The following COL4A5 variants were observed in gnomAD, a reference collection of about 807,000 sequenced individuals.
COL4A5 encodes the protein collagen type IV alpha 5 chain, also known as collagen alpha-5(IV) chain.
COL4A5 carries 26 observed loss-of-function variants against 130.2 expected under a neutral mutation model. That is an observed-to-expected ratio of 0.20 (90% confidence interval 0.15 to 0.28). COL4A5 has a LOEUF of 0.28. COL4A5 is among the 10% of genes least tolerant of loss of function. The probability of loss-of-function intolerance (pLI) is 1.00; values close to 1 mark genes in which losing one functional copy is unlikely to be tolerated. For missense variants in COL4A5, 1,131 were observed against 1,344.3 expected, an observed-to-expected ratio of 0.84 and a Z score of 2.48; for synonymous variants, 496 against 439.6, an observed-to-expected ratio of 1.13 and a Z score of -1.60.
At chrX:108,665,049 T>C (rs1287593895) in intron 37 of COL4A5, among the ~76,000 whole-genome samples, 1 of 112,204 alleles carries the variant, frequency 8.9e-6, no homozygotes, top group Non-Finnish European at 1.9e-5. Flanking sequence ...GTTATATACC[T>C]AAGATAAATT....
At position 108,566,460 on chromosome X, in the gene COL4A5, C is replaced by A. The variant is rs1021347082; in HGVS notation, c.277-2169C>A. Among the ~76,000 whole-genome samples, 4 of 111,057 alleles carry A rather than the reference C, an allele frequency of 3.6e-5. No homozygotes were observed. In the Admixed American group the frequency reaches 3.8e-4, roughly 11 times the overall value. The stretch of plus-strand genomic sequence containing the variant: ...CATCCTTGGCATTTCCCCTTTAGAT[C>A]TGAAATGGGACATATCTCTGATTCC... On this transcript the variant is annotated intron_variant, in intron 4 of 52. Coordinates refer to ENST00000328300, the MANE Select transcript of COL4A5 (RefSeq NM_033380.3).
intron 2 of COL4A5, among the ~76,000 whole-genome samples, chrX:108,544,602 T>A (rs2079099976): frequency 9.0e-6 from 1 of 111,588 alleles, no homozygotes; most frequent in South Asian, 3.8e-4. Context: ...GGCTTTGGTA[T>A]CAGGATGCTG....
chrX:108,539,680 T>C (rs1453122075), intron 1 of COL4A5, 66 bp from the exon 2 acceptor site: 8 of 890,574 alleles, frequency 9.0e-6, no homozygotes, highest in Non-Finnish European at 1.3e-5. Context: ...TCAGTTGAGC[T>C]GTAAGTCAGA....
chrX:108,596,958 A>C (rs1603289814), intron 22 of COL4A5, 40 bp from the exon 23 acceptor site: 3 of 1,106,849 alleles, frequency 2.7e-6, no homozygotes, highest in East Asian at 3.2e-5. Context: ...AGCTTACGTT[A>C]TTGTGTGTGT....
At chrX:108,586,831 C>A in intron 19 of COL4A5, 84 bp downstream of exon 19, 1 of 1,028,874 alleles carries the variant, frequency 9.7e-7, no homozygotes, top group South Asian at 1.9e-5. Flanking sequence ...GTTCCATGGT[C>A]AGCATGGAAG....
chrX:108,555,856 T>G (rs905555639), intron 2 of COL4A5, among the ~76,000 whole-genome samples: 1 of 111,948 alleles, frequency 8.9e-6, no homozygotes, highest in African/African-American at 3.2e-5. Context: ...AAAGTTATCC[T>G]TTGTATAATT....
chrX:108,440,511 A>T, intron 1 of COL4A5: 1 of 289,477 alleles, frequency 3.5e-6, no homozygotes, highest in Admixed American at 5.8e-5. Context: ...TGTGGTGGGT[A>T]TTTAAAACTT....
intron 19 of COL4A5, among the ~76,000 whole-genome samples, chrX:108,590,294 G>A (rs28469248): frequency 0.1 from 11,581 of 110,304 alleles, 1,303 homozygotes; most frequent in African/African-American, 0.34. Flanking sequence ...ACCAGCAAAC[G>A]TACAAGAGAA....
rs143164741 is a variant in COL4A5, at chrX:108,465,418, C to A, written c.81+25212C>A. Among the ~76,000 whole-genome samples the A allele has an allele frequency of 7.3e-3, 808 of 111,048 alleles. 4 individuals are homozygous for A. Among genetic ancestry groups the A allele is most frequent in the East Asian group, 0.036 (128 of 3,529 alleles). ...TGTGATGCATATTCTCAAATCTTTG[C>A]CCATTTTTTTCAAAAGTTGGATTAC... On this transcript the variant is annotated intron_variant, in intron 1 of 52. Coordinates refer to ENST00000328300, the MANE Select transcript of COL4A5 (RefSeq NM_033380.3).
chrX:108,657,932 C>T (rs1209901077), intron 37 of COL4A5, among the ~76,000 whole-genome samples: 3 of 110,167 alleles, frequency 2.7e-5, no homozygotes, highest in Non-Finnish European at 5.7e-5. Context: ...TTTTTCATTT[C>T]TTTATACCTT....
At chrX:108,478,625 A>G (rs1603252195) in intron 1 of COL4A5, among the ~76,000 whole-genome samples, 1 of 111,840 alleles carries the variant, frequency 8.9e-6, no homozygotes. Context: ...CTTCAGGATG[A>G]TGGGGAACAT....
intron 1 of COL4A5, among the ~76,000 whole-genome samples, chrX:108,502,975 T>C (rs935889863): frequency 4.4e-5 from 5 of 112,408 alleles, no homozygotes; most frequent in Non-Finnish European, 5.6e-5. Context: ...TATCCCTTAC[T>C]TTTCTTTACA....
intron 1 of COL4A5, among the ~76,000 whole-genome samples, chrX:108,531,461 A>G (rs968001565): frequency 1.8e-5 from 2 of 110,401 alleles, no homozygotes; most frequent in African/African-American, 6.5e-5. Context: ...AAATAGTGCT[A>G]TGAGAGAAGT....
chrX:108,605,237 A>G (rs949021446), intron 28 of COL4A5, among the ~76,000 whole-genome samples: 2 of 111,656 alleles, frequency 1.8e-5, no homozygotes, highest in Non-Finnish European at 3.8e-5. Context: ...CCAGCTTTTG[A>G]TTTTAAGTGA....
At chrX:108,467,655 G>T (rs942330636) in intron 1 of COL4A5, among the ~76,000 whole-genome samples, 5 of 111,183 alleles carry the variant, frequency 4.5e-5, no homozygotes, top group African/African-American at 1.3e-4. Context: ...ATTCATTTAG[G>T]TTTTCTTTAA....
At chrX:108,500,585 T>C (rs2065071519) in intron 1 of COL4A5, among the ~76,000 whole-genome samples, 1 of 111,853 alleles carries the variant, frequency 8.9e-6, no homozygotes, top group Non-Finnish European at 1.9e-5. Flanking sequence ...GTAAAAATTT[T>C]AGACATGTAA....
chrX:108,544,013 G>A (rs766750790), intron 2 of COL4A5, among the ~76,000 whole-genome samples: 50 of 112,092 alleles, frequency 4.5e-4, no homozygotes, highest in African/African-American at 1.4e-3. Context: ...TTTAGGCTGA[G>A]ACGATGGGGT....
chrX:108,598,451 G>A (rs1057035541), intron 24 of COL4A5, among the ~76,000 whole-genome samples: 1 of 111,794 alleles, frequency 8.9e-6, no homozygotes, highest in Non-Finnish European at 1.9e-5. Context: ...GCTGCATAAA[G>A]TCAGAGATTT....
At chrX:108,614,872 T>A (rs1188661420) in intron 29 of COL4A5, 39 bp from the exon 30 acceptor site, 1 of 954,227 alleles carries the variant, frequency 1.0e-6, no homozygotes, top group Non-Finnish European at 1.5e-6. Flanking sequence ...GTGACTCAGG[T>A]GTTGCTTTTA....
Sources: allele counts gnomAD v4.1 joint callset (sites outside exome capture counted in the v4.1 genomes callset), GRCh38; gene constraint gnomAD v4.1.1; transcripts MANE v1.5; gene names NCBI Gene and HGNC (gene_info 2026-07-23, HGNC 2026-07-21).